Variants in MGA observed in about 807,000 individuals in gnomAD.
MGA encodes the protein MAX dimerization protein MGA.
MGA carries 40 observed loss-of-function variants against 261.1 expected under a neutral mutation model. The ratio of observed to expected loss-of-function variants is 0.15; its 90% CI spans 0.12 to 0.20. The LOEUF (loss-of-function observed/expected upper bound fraction) is 0.20, where lower values mean the gene tolerates loss of function less well. Among genes scored for constraint, MGA ranks in the 10% least tolerant of loss-of-function variants. MGA has a pLI of 1.00. For synonymous variants in MGA, 1,302 were observed against 1,290.6 expected (o/e 1.01, Z -0.19); for missense variants, 3,397 against 3,630.5 (o/e 0.94, Z 1.65).
chr15:41,656,357 T>A (rs1406278492), upstream of MGA, among the ~76,000 whole-genome samples: 1 of 126,534 alleles, frequency 7.9e-6, no homozygotes, highest in Non-Finnish European at 1.8e-5. Context: ...TCTCTCTCTC[T>A]CTCTCTCTCT....
rs1239635331 is a variant in MGA at position 41,711,058 on chromosome 15, T to C, written c.2793T>C (p.His931=). The change falls in exon 8 of 24, where the codon CAT becomes CAC. Residue 931 remains histidine (H), a synonymous_variant. Transcript: ENST00000219905. ...TTTCACCAAAGCAGAAATACTCTCA[T>C]GTGATTCTAGGAGATAAGGTTACCA... is the stretch of plus-strand genomic sequence containing the variant. 2 of 1,614,022 alleles carry C rather than the reference T, an allele frequency of 1.2e-6. No homozygotes were observed. Among genetic ancestry groups the C allele is most frequent in the South Asian group, 2.2e-5 (2 of 91,084 alleles).
At chr15:41,742,486 T>C in intron 14 of MGA, 60 bp from the exon 15 acceptor site, 4 of 1,568,306 alleles carry the variant, frequency 2.6e-6, no homozygotes, top group Admixed American at 1.7e-5. Flanking sequence ...GTAAGCACAG[T>C]CACTAAGAGG....
intron 1 of MGA, among the ~76,000 whole-genome samples, chr15:41,641,863 A>G (rs2056828816): frequency 6.7e-6 from 1 of 148,408 alleles, no homozygotes; most frequent in African/African-American, 2.5e-5. Flanking sequence ...TGGTGCAGTC[A>G]CAACTTACTG....
rs201112630 is a variant in MGA at position 41,696,230 on chromosome 15, C to G, written c.1220C>G (p.Thr407Arg). Residue 407 changes from threonine (T) to arginine (R), a missense_variant, in exon 3 of 24, where the codon ACA becomes AGA. Transcript: ENST00000219905. ...GGGGTCACTGTGAAACAGGAAGAGA[C>G]AGATGAAGAGACGGATGTATACTCA... 100 of 1,613,782 alleles carry G rather than the reference C, an allele frequency of 6.2e-5. No individual in the cohort carries two copies. Among genetic ancestry groups the G allele is most frequent in the African/African-American group, 1.3e-5 (1 of 74,916 alleles).
rs758654245 is a variant in MGA at position 41,766,201 on chromosome 15, A to G, written c.8119A>G (p.Arg2707Gly). ...GGGTAGAATCTCTTCCAGAGGAAAC[A>G]GAGATGGCAGAGTGACGTTGGGTCC... is the stretch of plus-strand genomic sequence containing the variant. The change falls in exon 24 of 24, where the codon AGA (arginine) becomes GGA (glycine). Residue 2707 changes from arginine (R) to glycine (G), a missense_variant. By Grantham distance (125) the Arg-to-Gly change is moderately radical. Coordinates refer to ENST00000219905, the MANE Select transcript of MGA (RefSeq NM_001164273.2). 13 of 1,613,986 alleles carry G rather than the reference A, an allele frequency of 8.1e-6. No individual in the cohort carries two copies. In the East Asian group the frequency reaches 2.2e-4, roughly 28 times the overall value.
chr15:41,702,564 A>G (rs2059908369), intron 5 of MGA, among the ~76,000 whole-genome samples: 1 of 152,198 alleles, frequency 6.6e-6, no homozygotes, highest in South Asian at 2.1e-4. Flanking sequence ...ACTTCTTCTG[A>G]GCTGAAAACC....
In MGA at chr15:41,766,802, A is replaced by G. The variant is rs2063821482; in HGVS notation, c.8720A>G (p.Asp2907Gly). Residue 2907 changes from aspartate (D) to glycine (G), a missense_variant, in exon 24 of 24, where the codon GAT becomes GGT. Physicochemically the swap from Asp to Gly is moderately conservative, Grantham distance 94. Coordinates refer to ENST00000219905, the MANE Select transcript of MGA (RefSeq NM_001164273.2). ...CCCCTCCTCTTGCACTTGGAAGACG[A>G]TGACTTTTCTGAGAATGAAAAACAA... The G allele has an allele frequency of 1.9e-6, 3 of 1,614,024 alleles. No individual in the cohort carries two copies. Among genetic ancestry groups the G allele is most frequent in the Non-Finnish European group, 2.5e-6 (3 of 1,179,894 alleles).
intron 1 of MGA, among the ~76,000 whole-genome samples, chr15:41,662,333 T>A (rs941342692): frequency 6.6e-5 from 10 of 152,270 alleles, no homozygotes; most frequent in Middle Eastern, 3.4e-3. Flanking sequence ...TGAGTTGTAG[T>A]TAGGGTCCAT....
chr15:41,700,523 G>C (rs1340724437), intron 5 of MGA, among the ~76,000 whole-genome samples: 3 of 152,098 alleles, frequency 2.0e-5, no homozygotes, highest in Non-Finnish European at 4.4e-5. Flanking sequence ...ATGTTAGTTT[G>C]CTTAGAATAA....
At chr15:41,673,017 A>G (rs2058154230) in intron 2 of MGA, among the ~76,000 whole-genome samples, 1 of 151,938 alleles carries the variant, frequency 6.6e-6, no homozygotes, top group Non-Finnish European at 1.5e-5. Flanking sequence ...CGGTTGCTTG[A>G]CCATTTTTCT....
At chr15:41,633,354 ATTTTT>A (rs60602781) in intron 1 of MGA, among the ~76,000 whole-genome samples, 2 of 112,510 alleles carry the variant, frequency 1.8e-5, no homozygotes. Context: ...CTCCTATGGT[ATTTTT>A]TTTTTTTTTT....
In MGA at chr15:41,668,876, T is replaced by G; in HGVS notation, c.-19T>G. 6.6e-7 allele frequency: 1 copy of G among 1,523,656 alleles called. No individual in the cohort carries two copies. The highest frequency in any genetic ancestry group is 1.3e-5 in the South Asian group (1 of 77,314). The allele number at this position is 1,523,656 out of a possible 1,614,324, so 94.4% of individuals were successfully genotyped here. On this transcript the variant is annotated 5_prime_UTR_variant, in exon 2 of 24. Transcript: ENST00000219905. The stretch of plus-strand genomic sequence containing the variant: ...GTGGTGATTACAGTTGTCTTACTAC[T>G]GAGTTTCCTACTGAAATCATGGAGG...
At chr15:41,702,110 G>A (rs1347630873) in intron 5 of MGA, among the ~76,000 whole-genome samples, 2 of 151,956 alleles carry the variant, frequency 1.3e-5, no homozygotes, top group African/African-American at 2.4e-5. Context: ...ACTTGAGGTT[G>A]GGAGTTCGAG....
At position 41,761,785 on chromosome 15, in the gene MGA, T is replaced by C. The variant is rs770401793; in HGVS notation, c.7445T>C (p.Ile2482Thr). ...CTAACAGATCAGGCAGACAAATTGA[T>C]AGGACAGAAAAATCTCCTGACTCGA... Residue 2482 changes from isoleucine to threonine, a missense_variant, in exon 21 of 24, where the codon ATA (isoleucine) becomes ACA (threonine). Ile to Thr is a moderately conservative substitution (Grantham distance 89). Coordinates refer to ENST00000219905, the MANE Select transcript of MGA (RefSeq NM_001164273.2). 7 of 1,600,922 alleles carry C rather than the reference T, an allele frequency of 4.4e-6. No homozygotes were observed. In the Admixed American group the frequency reaches 1.0e-4, roughly 24 times the overall value.
chr15:41,691,461 G>C (rs190623331), intron 2 of MGA: 1 of 251,002 alleles, frequency 4.0e-6, no homozygotes, highest in African/African-American at 2.2e-5. Flanking sequence ...CCATATACAA[G>C]ATCATTTACC....
In MGA at chr15:41,696,764, G is replaced by C. The variant is rs953969676; in HGVS notation, c.1754G>C (p.Arg585Thr). 6 of 1,609,574 alleles carry C rather than the reference G, an allele frequency of 3.7e-6. No homozygotes were observed. Among genetic ancestry groups the C allele is most frequent in the Non-Finnish European group, 5.1e-6 (6 of 1,177,838 alleles). ...CTTTCAGGAAAAGAGGACTTGGGCA[G>C]AAAGAGAACAACTATGCTTAAGATT... The change falls in exon 3 of 24, where the codon AGA (arginine) becomes ACA (threonine). Residue 585 changes from arginine (R) to threonine (T), a missense_variant. Arg to Thr is a moderately conservative substitution (Grantham distance 71). This residue lies in a region of MGA where 563 missense variants were observed against 563.6 expected (regional missense o/e 1.00). Coordinates refer to ENST00000219905, the MANE Select transcript of MGA (RefSeq NM_001164273.2).
At chr15:41,698,704 A>G (rs901737670) in intron 3 of MGA, among the ~76,000 whole-genome samples, 159 bp from the exon 4 acceptor site, 2 of 152,194 alleles carry the variant, frequency 1.3e-5, no homozygotes, top group Non-Finnish European at 2.9e-5. Context: ...AGAAAATATC[A>G]AAAAGTATGA....
Position 41,766,805 on chromosome 15 carries a change from A to T in MGA, c.8723A>T (p.Asp2908Val). The T allele has an allele frequency of 6.2e-7, 1 of 1,614,040 alleles. No homozygotes were observed. Among genetic ancestry groups the T allele is most frequent in the Non-Finnish European group, 8.5e-7 (1 of 1,179,898 alleles). Residue 2908 changes from aspartate to valine, a missense_variant, in exon 24 of 24, where the codon GAC becomes GTC. Asp to Val is a radical substitution (Grantham distance 152). Transcript: ENST00000219905. ...CTCCTCTTGCACTTGGAAGACGATG[A>T]CTTTTCTGAGAATGAAAAACAACTT...
At position 41,749,828 on chromosome 15, in the gene MGA, G is replaced by A. The variant is rs3803347; in HGVS notation, c.6221G>A (p.Arg2074His). The A allele has an allele frequency of 1.7e-5, 27 of 1,613,808 alleles. No homozygotes were observed. The East Asian group carries it at 2.7e-4, about 16-fold the overall frequency. The change falls in exon 17 of 24, where the codon CGT becomes CAT. Residue 2074 changes from arginine (R) to histidine (H), a missense_variant. By Grantham distance (29) the Arg-to-His change is conservative. Coordinates refer to ENST00000219905, the MANE Select transcript of MGA (RefSeq NM_001164273.2). The stretch of plus-strand genomic sequence containing the variant: ...AATGAAGAATATGGGGCTAGGAATC[G>A]TAAGAGTTCCAAAGAAAAAGTGGCT...
Sources: allele counts gnomAD v4.1 joint callset (sites outside exome capture counted in the v4.1 genomes callset), GRCh38; gene constraint gnomAD v4.1.1; regional missense constraint gnomAD v4.1.1; transcripts MANE v1.5; gene names NCBI Gene and HGNC (gene_info 2026-07-23, HGNC 2026-07-21).